Variants in KATNAL2 observed in about 807,000 individuals in gnomAD.
KATNAL2 encodes the protein katanin catalytic subunit A1 like 2, also known as katanin p60 ATPase-containing subunit A-like 2.
A neutral mutation model predicts 76.3 loss-of-function variants in KATNAL2; 52 were observed. The ratio of observed to expected loss-of-function variants is 0.68; its 90% CI spans 0.55 to 0.86. The LOEUF is 0.86. KATNAL2 is among the 40% of genes least tolerant of loss of function. KATNAL2 has a pLI of 0.00. For synonymous variants in KATNAL2, 243 were observed against 244.2 expected, an observed-to-expected ratio of 1.00 and a Z score of 0.05; for missense variants, 660 against 668.9, an observed-to-expected ratio of 0.99 and a Z score of 0.15.
At chr18:47,055,545 C>T (rs1036803775) in intron 6 of KATNAL2, among the ~76,000 whole-genome samples, 1 of 152,210 alleles carries the variant, frequency 6.6e-6, no homozygotes, top group African/African-American at 2.4e-5. Context: ...CTCCACGATC[C>T]TACTTGTTAT....
chr18:47,083,911 G>C (rs185873415), intron 15 of KATNAL2, among the ~76,000 whole-genome samples: 1 of 152,252 alleles, frequency 6.6e-6, no homozygotes, highest in Non-Finnish European at 1.5e-5. Flanking sequence ...AATATATGAA[G>C]CATGCTGAAA....
chr18:46,955,186 C>CTTTCTTTCTTTCTTTCTTTCTTTCTTTT (rs2059704913), intron 3 of KATNAL2, among the ~76,000 whole-genome samples: 1 of 120,118 alleles, frequency 8.3e-6, no homozygotes. Context: ...TTCTTTCTTT[C>CTTTCTTTCTTTCTTTCTTTCTTTCTTTT]CTCTCTCTTT....
At chr18:46,958,123 T>A (rs1171836363) in intron 3 of KATNAL2, among the ~76,000 whole-genome samples, 1 of 151,910 alleles carries the variant, frequency 6.6e-6, no homozygotes, top group African/African-American at 2.4e-5. Flanking sequence ...TGGGACAGCG[T>A]TTTGTTTTTT....
chr18:46,921,455 G>A (rs952465072), intron 1 of KATNAL2, among the ~76,000 whole-genome samples: 1 of 152,146 alleles, frequency 6.6e-6, no homozygotes, highest in South Asian at 2.1e-4. Flanking sequence ...AATACACGAA[G>A]TCAAAAATCT....
At chr18:47,039,842 C>T (rs894603739) in intron 3 of KATNAL2, among the ~76,000 whole-genome samples, 2 of 152,136 alleles carry the variant, frequency 1.3e-5, no homozygotes, top group African/African-American at 4.8e-5. Flanking sequence ...GGCATAGCAC[C>T]CCCACAGTTT....
At chr18:47,088,670 C>G (rs2062875913) in intron 15 of KATNAL2, among the ~76,000 whole-genome samples, 1 of 152,130 alleles carries the variant, frequency 6.6e-6, no homozygotes, top group South Asian at 2.1e-4. Flanking sequence ...CCTCCGCCTC[C>G]CAGGTTCAAG....
intron 8 of KATNAL2, among the ~76,000 whole-genome samples, chr18:47,061,867 T>A (rs201225834): frequency 0.039 from 2,646 of 68,084 alleles, 35 homozygotes; most frequent in Non-Finnish European, 0.063. Context: ...TATTATTATT[T>A]TTTTTTTTGG....
At chr18:47,045,990 TG>T (rs1364210496) in intron 3 of KATNAL2, among the ~76,000 whole-genome samples, 1 of 152,214 alleles carries the variant, frequency 6.6e-6, no homozygotes, top group Non-Finnish European at 1.5e-5. Context: ...GAATGGTTTG[TG>T]GGAACTCATC....
intron 15 of KATNAL2, among the ~76,000 whole-genome samples, chr18:47,096,102 G>A (rs2063221961): frequency 6.6e-6 from 1 of 152,196 alleles, no homozygotes; most frequent in African/African-American, 2.4e-5. Context: ...TGGATTCTCA[G>A]CTCAGGGTTA....
intron 1 of KATNAL2, among the ~76,000 whole-genome samples, chr18:46,930,879 G>A (rs1473664688): frequency 1.3e-5 from 2 of 148,934 alleles, no homozygotes; most frequent in Non-Finnish European, 1.5e-5. Flanking sequence ...AAGGCAGGCA[G>A]GTCATGAGGT....
chr18:46,934,474 C>T (rs187560456), intron 1 of KATNAL2, among the ~76,000 whole-genome samples: 64 of 152,244 alleles, frequency 4.2e-4, no homozygotes, highest in East Asian at 1.9e-3. Flanking sequence ...TCATATCTTT[C>T]GCCCACTTTT....
intron 3 of KATNAL2, among the ~76,000 whole-genome samples, chr18:46,949,090 G>A (rs2146683908): frequency 6.6e-6 from 1 of 152,036 alleles, no homozygotes; most frequent in East Asian, 1.9e-4. Flanking sequence ...GTAGAAATGG[G>A]TTTTGCCATG....
chr18:47,061,539 T>C (rs538451634), intron 8 of KATNAL2, among the ~76,000 whole-genome samples: 1 of 152,252 alleles, frequency 6.6e-6, no homozygotes, highest in Admixed American at 6.5e-5. Context: ...CATTTCAATA[T>C]GAGATTTGGA....
At chr18:47,087,919 C>T (rs757499251) in intron 15 of KATNAL2, among the ~76,000 whole-genome samples, 1 of 152,058 alleles carries the variant, frequency 6.6e-6, no homozygotes, top group Non-Finnish European at 1.5e-5. Context: ...CATAAAACTC[C>T]ATTGTATGTG....
At chr18:46,922,554 G>A (rs1261055091) in intron 1 of KATNAL2, among the ~76,000 whole-genome samples, 2 of 151,992 alleles carry the variant, frequency 1.3e-5, no homozygotes, top group Non-Finnish European at 2.9e-5. Flanking sequence ...AGCACTTCGG[G>A]AGGCTGAGGT....
chr18:47,092,430 T>G (rs1010524532), intron 15 of KATNAL2, among the ~76,000 whole-genome samples: 1 of 151,938 alleles, frequency 6.6e-6, no homozygotes, highest in Non-Finnish European at 1.5e-5. Context: ...ACCTGGGAGG[T>G]AGAGGTTGCA....
At chr18:46,935,639 CG>C (rs142923321) in intron 1 of KATNAL2, among the ~76,000 whole-genome samples, 2,989 of 152,120 alleles carry the variant, frequency 0.02, 93 homozygotes, top group African/African-American at 0.068. Context: ...AAAAAGAGCC[CG>C]GGCATGGTGG....
At chr18:47,075,447 A>G in intron 14 of KATNAL2, 79 bp downstream of exon 14, 2 of 1,084,422 alleles carry the variant, frequency 1.8e-6, no homozygotes, top group East Asian at 3.2e-5. Context: ...GATGGTCGGA[A>G]GCCTATAGAC....
At chr18:47,043,226 C>CAAAAAAAAAAAAAAAAAAAA (rs1195140135) in intron 3 of KATNAL2, among the ~76,000 whole-genome samples, 633 of 41,510 alleles carry the variant, frequency 0.015, 107 homozygotes, top group Non-Finnish European at 0.021. Flanking sequence ...GACTCCGTTT[C>CAAAAAAAAAAAAAAAAAAAA]AAAAAAAAAA....
Sources: allele counts gnomAD v4.1 joint callset (sites outside exome capture counted in the v4.1 genomes callset), GRCh38; gene constraint gnomAD v4.1.1; transcripts MANE v1.5; gene names NCBI Gene and HGNC (gene_info 2026-07-23, HGNC 2026-07-21).